Variants in ATP9B observed in about 807,000 individuals in gnomAD.
ATP9B encodes probable phospholipid-transporting ATPase IIB.
In ATP9B, 110 loss-of-function variants were observed where a neutral mutation model predicts 146.1. The observed-to-expected ratio is 0.75, with a 90% CI of 0.65 to 0.88. ATP9B has a LOEUF of 0.88. Ranked by LOEUF, ATP9B falls within the 40% of genes least tolerant of loss-of-function variation. The pLI is 0.00. For synonymous variants in ATP9B, 604 were observed against 569.7 expected, an observed-to-expected ratio of 1.06 and a Z score of -0.86; for missense variants, 1,499 against 1,496.4, an observed-to-expected ratio of 1.00 and a Z score of -0.03.
At chr18:79,074,601 TC>T (rs1366896267) in intron 1 of ATP9B, among the ~76,000 whole-genome samples, 2 of 152,216 alleles carry the variant, frequency 1.3e-5, no homozygotes, top group Non-Finnish European at 2.9e-5. Flanking sequence ...AGTGGCAAGT[TC>T]CCCTTACTGC....
chr18:79,264,882 A>G (rs868516352), intron 12 of ATP9B, among the ~76,000 whole-genome samples: 1 of 152,164 alleles, frequency 6.6e-6, no homozygotes, highest in Non-Finnish European at 1.5e-5. Flanking sequence ...CAAATAACAA[A>G]CTGTGTTTGT....
chr18:79,314,776 G>A lies in ATP9B; in HGVS notation c.1773+7542G>A, dbSNP rs1392757396. Among the ~76,000 whole-genome samples the A allele has an allele frequency of 5.3e-5, 8 of 152,306 alleles. No homozygotes were observed. In the South Asian group the frequency reaches 8.3e-4, roughly 16 times the overall value. On this transcript the variant is annotated intron_variant, in intron 15 of 29. Transcript: ENST00000426216. The stretch of plus-strand genomic sequence containing the variant: ...AATGCTCTCTGGAAGTTCCCTCACA[G>A]AATTAAAATTCAGCCCTGTTTAACT...
chr18:79,320,102 T>G (rs997949000), intron 15 of ATP9B, among the ~76,000 whole-genome samples: 9 of 152,326 alleles, frequency 5.9e-5, no homozygotes, highest in Admixed American at 1.3e-4. Flanking sequence ...TCTTCAGAAT[T>G]CCACTCAGCT....
Position 79,342,287 on chromosome 18 carries a change from A to T in ATP9B, c.2303A>T (p.Asp768Val), listed in dbSNP as rs759863969. 14 of 1,613,478 alleles carry T rather than the reference A, an allele frequency of 8.7e-6. No homozygotes were observed. The highest frequency in any genetic ancestry group is 1.2e-5 in the Non-Finnish European group (14 of 1,179,642). Residue 768 changes from aspartate (D) to valine (V), a missense_variant, in exon 20 of 30, where the codon GAT becomes GTT. Asp to Val is a radical substitution (Grantham distance 152). Transcript: ENST00000426216. ...AGIKIWMLTG[D>V]KLETATCIAK... is the part of the protein sequence containing the mutation. Reference sequence around the variant, plus strand: ...CCCTAGATATGGATGCTAACAGGCGATAAACTCGAGACAGCTACCTGCATT... The same window carrying T: ...CCCTAGATATGGATGCTAACAGGCGTTAAACTCGAGACAGCTACCTGCATT...
At chr18:79,167,958 C>T (rs543174995) in intron 7 of ATP9B, among the ~76,000 whole-genome samples, 10 of 152,276 alleles carry the variant, frequency 6.6e-5, no homozygotes, top group South Asian at 6.2e-4. Context: ...TGCTTGTTGG[C>T]GCCCAAAGTC....
In ATP9B at chr18:79,303,591, C is replaced by T. The variant is rs2096605182; in HGVS notation, c.1412-13C>T. The T allele has an allele frequency of 6.2e-7, 1 of 1,608,850 alleles. No homozygotes were observed. Among genetic ancestry groups the T allele is most frequent in the Non-Finnish European group, 8.5e-7 (1 of 1,175,568 alleles). On this transcript the variant is annotated splice_polypyrimidine_tract_variant and intron_variant, in intron 13 of 29. Transcript: ENST00000426216. Reference sequence around the variant, plus strand: ...CTGCATTAATGTGTTTGCTGTTGTCCCCTTTATCCTAGGAACCCTCACCCA... The same window carrying T: ...CTGCATTAATGTGTTTGCTGTTGTCTCCTTTATCCTAGGAACCCTCACCCA...
chr18:79,192,488 G>A (rs972744482), intron 8 of ATP9B, among the ~76,000 whole-genome samples: 57 of 152,274 alleles, frequency 3.7e-4, no homozygotes, highest in African/African-American at 1.3e-3. Flanking sequence ...CTGGGGTGGC[G>A]TCCATTGGAG....
In ATP9B at chr18:79,069,467, C is replaced by A; in HGVS notation, c.57C>A (p.Asn19Lys). 1 of 1,506,876 alleles carries A rather than the reference C, an allele frequency of 6.6e-7. No individual in the cohort carries two copies. The highest frequency in any genetic ancestry group is 8.8e-7 in the Non-Finnish European group (1 of 1,130,600). 93.3% of individuals were successfully genotyped at this position (1,506,876 alleles called of 1,614,324 possible). ...PVRSAAAAAA[N>K]RKRAAYYSAA... ...GTAGCGCAGCGGCGGCCGCAGCCAA[C>A]CGCAAACGCGCGGCCTACTACAGCG... Residue 19 changes from asparagine (N) to lysine (K), a missense_variant, in exon 1 of 30, where the codon AAC (asparagine) becomes AAA (lysine). Physicochemically the swap from Asn to Lys is moderately conservative, Grantham distance 94 (BLOSUM62 0). Transcript: ENST00000426216.
At chr18:79,174,538 G>A (rs922005220) in intron 7 of ATP9B, among the ~76,000 whole-genome samples, 2 of 151,968 alleles carry the variant, frequency 1.3e-5, no homozygotes, top group Non-Finnish European at 2.9e-5. Flanking sequence ...GCTTGGTACA[G>A]GTGTCTCTCA....
intron 10 of ATP9B, among the ~76,000 whole-genome samples, chr18:79,208,158 T>A (rs1045839376): frequency 2.0e-5 from 3 of 152,102 alleles, no homozygotes; most frequent in African/African-American, 7.2e-5. Flanking sequence ...GGCAGGAGAA[T>A]GGCGGGAACC....
At chr18:79,170,088 T>A (rs1298450335) in intron 7 of ATP9B, among the ~76,000 whole-genome samples, 1 of 152,174 alleles carries the variant, frequency 6.6e-6, no homozygotes, top group Non-Finnish European at 1.5e-5. Context: ...TGTCTCTTGC[T>A]CTGGAGAGGG....
chr18:79,375,917 T>A, intron 29 of ATP9B: 1 of 985,402 alleles, frequency 1.0e-6, no homozygotes, highest in African/African-American at 1.7e-5. Context: ...ATTCGAAGTA[T>A]GTAAATCTCC....
chr18:79,216,930 T>C (rs1053430186), intron 11 of ATP9B, among the ~76,000 whole-genome samples: 2 of 152,228 alleles, frequency 1.3e-5, no homozygotes, highest in East Asian at 1.9e-4. Context: ...CCCCTCCCAA[T>C]AGGGATTCAC....
chr18:79,166,576 C>A (rs2094968971), intron 7 of ATP9B, among the ~76,000 whole-genome samples: 1 of 152,162 alleles, frequency 6.6e-6, no homozygotes, highest in African/African-American at 2.4e-5. Context: ...GAGAAGACCT[C>A]CAAGCCACCC....
chr18:79,107,654 G>T (rs1439463854), intron 2 of ATP9B, among the ~76,000 whole-genome samples: 4 of 152,164 alleles, frequency 2.6e-5, no homozygotes, highest in African/African-American at 9.7e-5. Flanking sequence ...TCCAAAACAT[G>T]ACTTTAAAAT....
At chr18:79,319,435 A>G (rs889234122) in intron 15 of ATP9B, among the ~76,000 whole-genome samples, 5 of 151,452 alleles carry the variant, frequency 3.3e-5, no homozygotes, top group Admixed American at 1.3e-4. Context: ...GTGAGTGAAT[A>G]GGGAGGGAAC....
At chr18:79,209,704 C>G in intron 10 of ATP9B, 1 of 982,534 alleles carries the variant, frequency 1.0e-6, no homozygotes, top group Non-Finnish European at 1.2e-6. Flanking sequence ...AAACCATCCA[C>G]TCGAGAAGCT....
intron 9 of ATP9B, among the ~76,000 whole-genome samples, chr18:79,199,546 G>A (rs2095446827): frequency 6.6e-6 from 1 of 151,874 alleles, no homozygotes; most frequent in Non-Finnish European, 1.5e-5. Context: ...TGGATCACGA[G>A]GTCAAGAGAT....
chr18:79,148,177 C>T (rs1056127897), intron 6 of ATP9B, among the ~76,000 whole-genome samples: 1 of 151,152 alleles, frequency 6.6e-6, no homozygotes, highest in African/African-American at 2.4e-5. Context: ...TAATTTAAAG[C>T]TCTAGGAAGG....
Sources: allele counts gnomAD v4.1 joint callset (sites outside exome capture counted in the v4.1 genomes callset), GRCh38; gene constraint gnomAD v4.1.1; transcripts MANE v1.5; gene names NCBI Gene and HGNC (gene_info 2026-07-23, HGNC 2026-07-21).